The following COMMD8 variants were observed in gnomAD, a reference collection of about 807,000 sequenced individuals.
COMMD8 encodes COMM domain containing 8, also known as COMM domain-containing protein 8.
Under a neutral mutation model 27.2 loss-of-function variants are expected in COMMD8, and 28 were observed. The observed-to-expected ratio is 1.03, with a 90% confidence interval of 0.76 to 1.41. COMMD8 has a LOEUF of 1.41. COMMD8 is among the 40% of genes most tolerant of loss of function. The probability of loss-of-function intolerance (pLI) is 0.00; values close to 1 mark genes in which losing one functional copy is unlikely to be tolerated. For synonymous variants in COMMD8, 79 were observed against 75.5 expected (o/e 1.05, Z -0.24); for missense variants, 217 against 211.2 (o/e 1.03, Z -0.17).
Position 47,453,067 on chromosome 4 carries a change from C to G in COMMD8, c.523G>C (p.Ala175Pro). 1 of 1,600,828 alleles carries G rather than the reference C, an allele frequency of 6.2e-7. No homozygotes were observed. Among genetic ancestry groups the G allele is most frequent in the East Asian group, 2.2e-5 (1 of 44,800 alleles). Reference protein sequence around the residue: ...LQNLIQSLEAANKVVLQLK With the variant: ...LQNLIQSLEAPNKVVLQLK Reference sequence around the variant, plus strand: ...AAAATTATAGCAAATACCTTATTCGCTGCTTCCAAGGACTGTATTAGATTC... The same window carrying G: ...AAAATTATAGCAAATACCTTATTCGGTGCTTCCAAGGACTGTATTAGATTC... The change falls in exon 4 of 5, where the codon GCG (alanine) becomes CCG (proline). Residue 175 changes from alanine to proline, a missense_variant. Transcript: ENST00000381571.
At chr4:47,452,770 T>C (rs1197844062) in intron 4 of COMMD8, among the ~76,000 whole-genome samples, 1 of 152,032 alleles carries the variant, frequency 6.6e-6, no homozygotes, top group African/African-American at 2.4e-5. Context: ...CCAAGGCGAG[T>C]AGATCACTTG....
chr4:47,460,197 C>A lies in COMMD8; in HGVS notation c.169G>T (p.Asp57Tyr), dbSNP rs1729987939. 3.7e-6 allele frequency: 6 copies of A among 1,613,618 alleles called. No homozygotes were observed. The highest frequency in any genetic ancestry group is 5.1e-6 in the Non-Finnish European group (6 of 1,179,736). Residue 57 changes from aspartate to tyrosine, a missense_variant, in exon 2 of 5, where the codon GAT becomes TAT. By Grantham distance (160) the Asp-to-Tyr change is radical (BLOSUM62 -3). Coordinates refer to ENST00000381571, the MANE Select transcript of COMMD8 (RefSeq NM_017845.5). ...ESEEWMHVLE[D>Y]IAKFFKAIVG... ...ATGGCTTTGAAAAATTTGGCAATAT[C>A]TTCTAAAACGTGCATCCATTCTTCT...
intron 1 of COMMD8, among the ~76,000 whole-genome samples, chr4:47,463,236 C>A (rs1029398307): frequency 2.0e-5 from 3 of 152,220 alleles, no homozygotes; most frequent in African/African-American, 7.2e-5. Context: ...TAGCTCTGTA[C>A]CTGCTGTCCG....
At chr4:47,454,755 C>CGAG (rs1191634510) in intron 3 of COMMD8, among the ~76,000 whole-genome samples, 11 of 150,124 alleles carry the variant, frequency 7.3e-5, no homozygotes, top group Admixed American at 6.7e-4. Context: ...ATCCCAGCTA[C>CGAG]TCAGGAGGCT....
At chr4:47,456,795 CT>C in intron 2 of COMMD8, 66 bp from the exon 3 acceptor site, 1 of 1,168,584 alleles carries the variant, frequency 8.6e-7, no homozygotes, top group Non-Finnish European at 1.2e-6. Flanking sequence ...TTCCACTCTC[CT>C]TTTGCACACT....
chr4:47,460,248 G>T lies in COMMD8; in HGVS notation c.118C>A (p.Gln40Lys), dbSNP rs897310595. The change falls in exon 2 of 5, where the codon CAA becomes AAA. Residue 40 changes from glutamine to lysine, a missense_variant. Gln to Lys is a moderately conservative substitution (Grantham distance 53). Coordinates refer to ENST00000381571, the MANE Select transcript of COMMD8 (RefSeq NM_017845.5). ...GICGRAYPVY[Q>K]DYHTVWESEE... ...GATTCCCAAACAGTGTGATAATCTTGGTACACAGGATAAGCTCGACCACAA... is the reference window on the plus strand; with the variant it reads ...GATTCCCAAACAGTGTGATAATCTTTGTACACAGGATAAGCTCGACCACAA... The T allele has an allele frequency of 1.2e-6, 2 of 1,612,700 alleles. No homozygotes were observed.
At chr4:47,462,334 C>G (rs1453126078) in intron 1 of COMMD8, among the ~76,000 whole-genome samples, 1 of 151,634 alleles carries the variant, frequency 6.6e-6, no homozygotes, top group East Asian at 1.9e-4. Flanking sequence ...AAAGGGGGGG[C>G]CATGGATGAA....
intron 2 of COMMD8, chr4:47,459,759 A>G (rs1387536406): frequency 6.3e-6 from 1 of 159,408 alleles, no homozygotes; most frequent in Non-Finnish European, 1.4e-5. Context: ...CATGAACACC[A>G]CCTTCAAGAG....
intron 1 of COMMD8, among the ~76,000 whole-genome samples, chr4:47,463,361 C>T (rs1231565265): frequency 6.6e-6 from 1 of 152,248 alleles, no homozygotes; most frequent in Non-Finnish European, 1.5e-5. Context: ...GGCGCTTCTG[C>T]GCGCAAAGCC....
At chr4:47,462,373 G>T (rs556253987) in intron 1 of COMMD8, among the ~76,000 whole-genome samples, 14 of 152,076 alleles carry the variant, frequency 9.2e-5, no homozygotes, top group Non-Finnish European at 7.4e-5. Flanking sequence ...AGAGGGGCTG[G>T]GTGAAAGTGG....
chr4:47,462,327 G>A (rs1730045656), intron 1 of COMMD8, among the ~76,000 whole-genome samples: 1 of 152,068 alleles, frequency 6.6e-6, no homozygotes, highest in Admixed American at 6.5e-5. Context: ...GATGTGAAAA[G>A]GGGGGGCCAT....
intron 3 of COMMD8, among the ~76,000 whole-genome samples, chr4:47,455,071 C>G (rs1729854333): frequency 6.6e-6 from 1 of 151,774 alleles, no homozygotes; most frequent in Middle Eastern, 3.2e-3. Context: ...AGTGAAGTGG[C>G]ACGATGATCT....
chr4:47,462,606 C>A (rs1312932104), intron 1 of COMMD8, among the ~76,000 whole-genome samples: 1 of 151,928 alleles, frequency 6.6e-6, no homozygotes, highest in African/African-American at 2.4e-5. Context: ...TAGAAGTCAT[C>A]GACATATATG....
At chr4:47,462,585 A>C (rs1730088056) in intron 1 of COMMD8, among the ~76,000 whole-genome samples, 1 of 152,144 alleles carries the variant, frequency 6.6e-6, no homozygotes, top group Admixed American at 6.5e-5. Flanking sequence ...TTTTGGCTGG[A>C]CCTAAAGATT....
chr4:47,460,171 T>C lies in COMMD8; in HGVS notation c.195A>G (p.Ile65Met). The C allele has an allele frequency of 6.2e-7, 1 of 1,613,624 alleles. No individual in the cohort carries two copies. The highest frequency in any genetic ancestry group is 8.5e-7 in the Non-Finnish European group (1 of 1,179,724). The stretch of plus-strand genomic sequence containing the variant: ...CTTCATCAGGTAAGTTTTTACCAAC[T>C]ATGGCTTTGAAAAATTTGGCAATAT... ...LEDIAKFFKA[I>M]VGKNLPDEEI... Residue 65 changes from isoleucine (I) to methionine (M), a missense_variant, in exon 2 of 5, where the codon ATA (isoleucine) becomes ATG (methionine). By Grantham distance (10) the Ile-to-Met change is conservative. Coordinates refer to ENST00000381571, the MANE Select transcript of COMMD8 (RefSeq NM_017845.5).
In COMMD8 at chr4:47,463,632, G is replaced by T. The variant is rs1251858888; in HGVS notation, c.20C>A (p.Thr7Lys). MEPEEG[T>K]PLWRLQKLPA... Reference sequence around the variant, plus strand: ...CAGCTTCTGCAGCCGCCACAAGGGCGTCCCCTCTTCCGGCTCCATCCCTGC... The same window carrying T: ...CAGCTTCTGCAGCCGCCACAAGGGCTTCCCCTCTTCCGGCTCCATCCCTGC... Residue 7 changes from threonine (T) to lysine (K), a missense_variant, in exon 1 of 5, where the codon ACG becomes AAG. Thr to Lys is a moderately conservative substitution (Grantham distance 78). Transcript: ENST00000381571. The T allele has an allele frequency of 2.6e-6, 4 of 1,548,996 alleles. No individual in the cohort carries two copies. Among genetic ancestry groups the T allele is most frequent in the Non-Finnish European group, 3.5e-6 (4 of 1,146,304 alleles).
rs755401203 is a variant in COMMD8, at chr4:47,460,142, A to G, written c.222+2T>C. On this transcript the variant is annotated splice_donor_variant, in intron 2 of 4. Transcript: ENST00000381571. LOFTEE classifies it high-confidence loss of function. ...AGTTATAGAAATGTGCAGAGAAGTT[A>G]CCTCTTCATCAGGTAAGTTTTTACC... is the stretch of plus-strand genomic sequence containing the variant. The G allele has an allele frequency of 6.2e-7, 1 of 1,611,740 alleles. No individual in the cohort carries two copies. The highest frequency in any genetic ancestry group is 8.5e-7 in the Non-Finnish European group (1 of 1,178,842).
chr4:47,451,326 T>C lies in COMMD8; in HGVS notation c.*319A>G. 6.5e-6 allele frequency: 2 copies of C among 306,752 alleles called. No individual in the cohort carries two copies. The highest frequency in any genetic ancestry group is 1.2e-5 in the Non-Finnish European group (2 of 165,744). The allele number at this position is 306,752 out of a possible 1,614,324, so 19.0% of individuals were successfully genotyped here. ...TGTGCTTTATATTTTTACATTACTT[T>C]AGAACCTATTTTTAGCTTTCAATAA... On this transcript the variant is annotated 3_prime_UTR_variant, in exon 5 of 5. Coordinates refer to ENST00000381571, the MANE Select transcript of COMMD8 (RefSeq NM_017845.5).
chr4:47,460,290 T>C lies in COMMD8; in HGVS notation c.76A>G (p.Lys26Glu). The part of the protein sequence containing the change: ...PAELGPQLLH[K>E]IIDGICGRAY... Reference sequence around the variant, plus strand: ...CGACCACAAATGCCATCAATTATTTTGTGAAGAAGCTAGCAAGAAAAAAGG... The same window carrying C: ...CGACCACAAATGCCATCAATTATTTCGTGAAGAAGCTAGCAAGAAAAAAGG... The change falls in exon 2 of 5, where the codon AAA (lysine) becomes GAA (glutamate). Residue 26 changes from lysine (K) to glutamate (E), a missense_variant. By Grantham distance (56) the Lys-to-Glu change is moderately conservative (BLOSUM62 1). Transcript: ENST00000381571. 2 of 1,610,134 alleles carry C rather than the reference T, an allele frequency of 1.2e-6. No homozygotes were observed. The highest frequency in any genetic ancestry group is 1.7e-5 in the Admixed American group (1 of 59,258).
Sources: gnomAD v4.1 joint callset for allele counts (sites outside exome capture counted in the v4.1 genomes callset) on GRCh38, gnomAD v4.1.1 for gene constraint, MANE v1.5 for transcripts, NCBI Gene and HGNC (gene_info 2026-07-23, HGNC 2026-07-21) for gene names.